Variants in USP32 observed in about 807,000 individuals in gnomAD.
USP32 encodes the protein ubiquitin carboxyl-terminal hydrolase 32.
In USP32, 59 loss-of-function variants were observed where a neutral mutation model predicts 204.8. The ratio of observed to expected loss-of-function variants is 0.29; its 90% CI spans 0.23 to 0.36. The LOEUF (loss-of-function observed/expected upper bound fraction) is 0.36. Ranked by LOEUF, USP32 falls within the 10% of genes least tolerant of loss-of-function variation. The pLI is 1.00. For synonymous variants in USP32, 517 were observed against 678.4 expected (o/e 0.76, Z 3.70); for missense variants, 1,160 against 1,946.4 (o/e 0.60, Z 7.60).
intron 27 of USP32, among the ~76,000 whole-genome samples, chr17:60,198,012 G>A (rs1004437511): frequency 3.3e-5 from 5 of 152,164 alleles, no homozygotes; most frequent in Middle Eastern, 6.3e-3. Context: ...GCATTAGCAG[G>A]ATGAATCCAG....
At chr17:60,421,520 G>A (rs2090113713) in intron 1 of USP32, 2 of 985,364 alleles carry the variant, frequency 2.0e-6, no homozygotes, top group African/African-American at 1.7e-5. Context: ...CGGGCCCAGA[G>A]GACACGAAGG....
intron 1 of USP32, chr17:60,421,664 G>T: frequency 1.1e-6 from 1 of 910,964 alleles, no homozygotes; most frequent in Non-Finnish European, 1.3e-6. Flanking sequence ...CGCTGCTGCC[G>T]CGCCAGGGGC....
chr17:60,214,963 G>A (rs2085064902), intron 16 of USP32, among the ~76,000 whole-genome samples, 189 bp from the exon 17 acceptor site: 1 of 152,042 alleles, frequency 6.6e-6, no homozygotes, highest in South Asian at 2.1e-4. Context: ...CTTTTTGTTT[G>A]TTTGTTTGTT....
At chr17:60,190,858 T>C (rs556371022) in intron 28 of USP32, among the ~76,000 whole-genome samples, 175 bp from the exon 29 acceptor site, 1 of 152,342 alleles carries the variant, frequency 6.6e-6, no homozygotes, top group African/African-American at 2.4e-5. Flanking sequence ...TAATAATTAG[T>C]ACAGTTTCAG....
At chr17:60,266,438 C>T (rs1307960162) in intron 7 of USP32, among the ~76,000 whole-genome samples, 1 of 152,168 alleles carries the variant, frequency 6.6e-6, no homozygotes, top group Non-Finnish European at 1.5e-5. Flanking sequence ...ATGCAAACCC[C>T]TAGGTTAATT....
At chr17:60,359,096 C>A (rs2146046688) in intron 1 of USP32, among the ~76,000 whole-genome samples, 1 of 152,298 alleles carries the variant, frequency 6.6e-6, no homozygotes, top group East Asian at 1.9e-4. Flanking sequence ...TCTGAACAAT[C>A]CAACATCCTT....
chr17:60,369,047 T>A lies in USP32; in HGVS notation c.58+22835A>T, dbSNP rs370364236. Among the ~76,000 whole-genome samples, 54 of 126,846 alleles carry A rather than the reference T, an allele frequency of 4.3e-4. 2 individuals are homozygous for A. In the East Asian group the frequency reaches 9.8e-3, roughly 23 times the overall value. 83.2% of individuals were successfully genotyped at this position (126,846 alleles called of 152,430 possible). On this transcript the variant is annotated intron_variant, in intron 1 of 33. Coordinates refer to ENST00000300896, the MANE Select transcript of USP32 (RefSeq NM_032582.4). ...TCTCGCTCTGTCGCCCAGGCTGGAG[T>A]GCAGTGGCGGGATCTCGGCTCACTG...
chr17:60,232,546 ATTTTTTT>A (rs11344960), intron 12 of USP32, among the ~76,000 whole-genome samples: 1 of 100,710 alleles, frequency 9.9e-6, no homozygotes, highest in Non-Finnish European at 2.2e-5. Context: ...GAGAAATTTG[ATTTTTTT>A]TTTTTTTTTT....
chr17:60,315,037 G>A (rs1007362301), intron 2 of USP32, among the ~76,000 whole-genome samples: 1 of 152,160 alleles, frequency 6.6e-6, no homozygotes, highest in Admixed American at 6.6e-5. Context: ...AATGTCTTTA[G>A]TCATTAGGGA....
intron 1 of USP32, among the ~76,000 whole-genome samples, chr17:60,420,754 T>C (rs921484057): frequency 1.3e-5 from 2 of 152,184 alleles, no homozygotes; most frequent in Non-Finnish European, 2.9e-5. Context: ...ATACAGATAA[T>C]ATGTGAAGAA....
intron 2 of USP32, among the ~76,000 whole-genome samples, chr17:60,340,866 T>C (rs1431394087): frequency 1.3e-5 from 2 of 152,142 alleles, no homozygotes; most frequent in Non-Finnish European, 2.9e-5. Flanking sequence ...GCAGGCCTGG[T>C]GGTGACAAAA....
At chr17:60,307,176 T>C (rs1396142171) in intron 2 of USP32, among the ~76,000 whole-genome samples, 3 of 151,920 alleles carry the variant, frequency 2.0e-5, no homozygotes, top group African/African-American at 7.3e-5. Flanking sequence ...CTTGGCTCTC[T>C]GCAAACTCAA....
chr17:60,299,899 CAG>C (rs1660019746), intron 3 of USP32, among the ~76,000 whole-genome samples: 1 of 152,136 alleles, frequency 6.6e-6, no homozygotes, highest in Non-Finnish European at 1.5e-5. Context: ...TATCCTCACA[CAG>C]GGGAAAATAT....
At chr17:60,354,096 T>C (rs373577151) in intron 1 of USP32, among the ~76,000 whole-genome samples, 4 of 152,252 alleles carry the variant, frequency 2.6e-5, no homozygotes, top group East Asian at 1.9e-4. Flanking sequence ...TAAGCTTTTT[T>C]CTTGAAGTTC....
At chr17:60,272,302 G>A (rs1381224006) in intron 5 of USP32, among the ~76,000 whole-genome samples, 1 of 152,198 alleles carries the variant, frequency 6.6e-6, no homozygotes, top group Non-Finnish European at 1.5e-5. Flanking sequence ...AGAAGATGGA[G>A]TAGGAGTCCC....
intron 2 of USP32, 26 bp downstream of exon 2, chr17:60,345,455 A>T (rs2088763013): frequency 6.2e-7 from 1 of 1,610,924 alleles, no homozygotes; most frequent in Non-Finnish European, 8.5e-7. Context: ...ACTACCTCAA[A>T]GGAAAACTTA....
intron 9 of USP32, among the ~76,000 whole-genome samples, chr17:60,263,716 T>A (rs2086513504): frequency 6.6e-6 from 1 of 152,158 alleles, no homozygotes; most frequent in African/African-American, 2.4e-5. Flanking sequence ...ACACACGAAA[T>A]AGAAGTCGAT....
chr17:60,248,629 T>G (rs960445870), intron 11 of USP32, among the ~76,000 whole-genome samples: 1 of 152,234 alleles, frequency 6.6e-6, no homozygotes, highest in African/African-American at 2.4e-5. Context: ...TCAAATCTGC[T>G]AGAATTTCTA....
chr17:60,340,788 G>A (rs2088639195), intron 2 of USP32, among the ~76,000 whole-genome samples: 1 of 152,196 alleles, frequency 6.6e-6, no homozygotes, highest in East Asian at 1.9e-4. Context: ...AATTTGGCAT[G>A]TTTTTGCAGT....
Sources: allele counts gnomAD v4.1 joint callset (sites outside exome capture counted in the v4.1 genomes callset), GRCh38; gene constraint gnomAD v4.1.1; transcripts MANE v1.5; gene names NCBI Gene and HGNC (gene_info 2026-07-23, HGNC 2026-07-21).